Variants in PDZRN4 observed in about 807,000 individuals in gnomAD.
PDZRN4 encodes PDZ domain containing ring finger 4.
In PDZRN4, 70 loss-of-function variants were observed where a neutral mutation model predicts 99.0. The observed-to-expected ratio is 0.71, with a 90% CI of 0.58 to 0.86. PDZRN4 has a LOEUF of 0.86. Among genes scored for constraint, PDZRN4 ranks in the 40% least tolerant of loss-of-function variants. The probability of loss-of-function intolerance (pLI) is 0.00; values close to 1 mark genes in which losing one functional copy is unlikely to be tolerated. For synonymous variants in PDZRN4, 551 were observed against 501.6 expected, an observed-to-expected ratio of 1.10 and a Z score of -1.32; for missense variants, 1,474 against 1,331.2, an observed-to-expected ratio of 1.11 and a Z score of -1.67.
intron 3 of PDZRN4, among the ~76,000 whole-genome samples, chr12:41,373,887 T>A (rs1486764125): frequency 6.6e-6 from 1 of 152,180 alleles, no homozygotes; most frequent in Non-Finnish European, 1.5e-5. Flanking sequence ...TTTGGGGAAC[T>A]AATAAATGTC....
At chr12:41,213,405 A>G (rs114173230) in intron 3 of PDZRN4, among the ~76,000 whole-genome samples, 2 of 152,150 alleles carry the variant, frequency 1.3e-5, no homozygotes, top group African/African-American at 4.8e-5. Context: ...CGTAAGCAAC[A>G]GGCATCCTCC....
At chr12:41,481,965 T>C (rs775935862) in intron 3 of PDZRN4, among the ~76,000 whole-genome samples, 1 of 152,156 alleles carries the variant, frequency 6.6e-6, no homozygotes, top group Non-Finnish European at 1.5e-5. Flanking sequence ...AGACTTTCTT[T>C]AGTTTTGGCA....
chr12:41,480,161 C>T (rs1274935718), intron 3 of PDZRN4, among the ~76,000 whole-genome samples: 1 of 152,050 alleles, frequency 6.6e-6, no homozygotes, highest in Non-Finnish European at 1.5e-5. Flanking sequence ...CATCTTCTTT[C>T]ACCTGCCACC....
At chr12:41,514,455 C>G (rs2710265) in intron 5 of PDZRN4, among the ~76,000 whole-genome samples, 64,190 of 151,900 alleles carry the variant, frequency 0.42, 16,309 homozygotes, top group African/African-American at 0.73. Context: ...TTATTAACTA[C>G]ATTCTATCAT....
chr12:41,285,733 C>T (rs947338057), intron 3 of PDZRN4, among the ~76,000 whole-genome samples: 1 of 152,004 alleles, frequency 6.6e-6, no homozygotes, highest in Non-Finnish European at 1.5e-5. Flanking sequence ...CCATCATTCT[C>T]AGCAAACTAA....
intron 3 of PDZRN4, among the ~76,000 whole-genome samples, chr12:41,387,327 T>A (rs969294538): frequency 1.3e-5 from 2 of 152,158 alleles, no homozygotes; most frequent in Non-Finnish European, 2.9e-5. Context: ...CTGATGCCTG[T>A]AATCCAAGCA....
In PDZRN4 at chr12:41,573,188, C is replaced by A; in HGVS notation, c.2409C>A (p.Ser803Arg). Residue 803 changes from serine to arginine, a missense_variant, in exon 10 of 10, where the codon AGC (serine) becomes AGA (arginine). Coordinates refer to ENST00000402685, the MANE Select transcript of PDZRN4 (RefSeq NM_001164595.2). Reference sequence around the variant, plus strand: ...CCAAAACCACTGAGCAAGGTTGTAGCGCTGAAAGCAAGGAGAAGGTTTTAG... The same window carrying A: ...CCAAAACCACTGAGCAAGGTTGTAGAGCTGAAAGCAAGGAGAAGGTTTTAG... ...TKAKTTEQGC[S>R]AESKEKVLEG... is the part of the protein sequence containing the mutation. 1 of 1,614,058 alleles carries A rather than the reference C, an allele frequency of 6.2e-7. No individual in the cohort carries two copies.
intron 3 of PDZRN4, among the ~76,000 whole-genome samples, chr12:41,344,930 G>A (rs1254052462): frequency 2.6e-5 from 4 of 151,918 alleles, no homozygotes; most frequent in Admixed American, 2.6e-4. Flanking sequence ...CACAACCACT[G>A]GAGAGTCTAA....
chr12:41,547,239 C>T (rs1359530853), intron 5 of PDZRN4, among the ~76,000 whole-genome samples: 1 of 152,162 alleles, frequency 6.6e-6, no homozygotes, highest in Non-Finnish European at 1.5e-5. Flanking sequence ...TTGTTTTAGA[C>T]AGATTGCTTT....
intron 3 of PDZRN4, among the ~76,000 whole-genome samples, chr12:41,411,062 TA>T (rs5797733): frequency 0.087 from 10,958 of 125,382 alleles, 482 homozygotes; most frequent in East Asian, 0.17. Flanking sequence ...TATATATATA[TA>T]TATATTTTTT....
chr12:41,288,222 G>A (rs1951433198), intron 3 of PDZRN4, among the ~76,000 whole-genome samples: 1 of 152,176 alleles, frequency 6.6e-6, no homozygotes, highest in Admixed American at 6.6e-5. Context: ...GGACTGCTGG[G>A]AGAGTTGTAA....
In PDZRN4 at chr12:41,531,376, C is replaced by G. The variant is rs143722682; in HGVS notation, c.1204-21280C>G. Among the ~76,000 whole-genome samples, 13 of 152,278 alleles carry G rather than the reference C, an allele frequency of 8.5e-5. No individual in the cohort carries two copies. The East Asian group carries it at 2.1e-3, about 25-fold the overall frequency. ...TTCCAGTGCCTGTCGGTGCTTACAA[C>G]GTCCTCTCCAAGTCCAGCTGCTTGT... On this transcript the variant is annotated intron_variant, in intron 5 of 9. Transcript: ENST00000402685.
chr12:41,280,818 C>T (rs1951379545), intron 3 of PDZRN4, among the ~76,000 whole-genome samples: 1 of 152,166 alleles, frequency 6.6e-6, no homozygotes, highest in African/African-American at 2.4e-5. Flanking sequence ...TACCTGCAGG[C>T]TCTAAAGACA....
chr12:41,362,354 G>C (rs954089932), intron 3 of PDZRN4, among the ~76,000 whole-genome samples: 1 of 151,796 alleles, frequency 6.6e-6, no homozygotes, highest in Non-Finnish European at 1.5e-5. Context: ...AGAGAATCTG[G>C]ATTTCAAAGA....
rs1377844005 is a variant in PDZRN4 at position 41,386,367 on chromosome 12, T to C, written c.844-120089T>C. 5.3e-5 allele frequency among the ~76,000 whole-genome samples: 8 copies of C among 152,024 alleles called. No individual in the cohort carries two copies. The East Asian group carries it at 1.5e-3, about 29-fold the overall frequency. ...TGCATTCAAATACGAAGAGAAGAAG[T>C]CAAACTTTGGCAAAAATTGAATAAA... On this transcript the variant is annotated intron_variant, in intron 3 of 9. Transcript: ENST00000402685.
Position 41,487,796 on chromosome 12 carries a change from C to A in PDZRN4, c.844-18660C>A, listed in dbSNP as rs141981503. 4.6e-3 allele frequency among the ~76,000 whole-genome samples: 707 copies of A among 152,238 alleles called. 1 individual carries two copies. The highest frequency in any genetic ancestry group is 7.5e-3 in the Non-Finnish European group (509 of 68,008). ...CTCTTTCCACATCGTGCTCAGCCACCCTTAATGAGGAAAGATGGAAAATGT... is the reference window on the plus strand; with the variant it reads ...CTCTTTCCACATCGTGCTCAGCCACACTTAATGAGGAAAGATGGAAAATGT... On this transcript the variant is annotated intron_variant, in intron 3 of 9. Transcript: ENST00000402685.
At chr12:41,461,482 G>T (rs928244705) in intron 3 of PDZRN4, among the ~76,000 whole-genome samples, 1 of 152,040 alleles carries the variant, frequency 6.6e-6, no homozygotes, top group Admixed American at 6.6e-5. Context: ...GTTTGCTAAG[G>T]ATAACAGCCT....
intron 3 of PDZRN4, among the ~76,000 whole-genome samples, chr12:41,453,621 T>C (rs900897192): frequency 6.6e-6 from 1 of 152,206 alleles, no homozygotes. Flanking sequence ...CTCATCAGGA[T>C]GTTTTCTGTC....
chr12:41,571,606 C>A (rs1939481166), intron 9 of PDZRN4, among the ~76,000 whole-genome samples: 1 of 152,048 alleles, frequency 6.6e-6, no homozygotes, highest in African/African-American at 2.4e-5. Context: ...CCCAATGAGT[C>A]CTAAAACATT....
Sources: allele counts gnomAD v4.1 joint callset (sites outside exome capture counted in the v4.1 genomes callset), GRCh38; gene constraint gnomAD v4.1.1; transcripts MANE v1.5; gene names NCBI Gene and HGNC (gene_info 2026-07-23, HGNC 2026-07-21).